Variants in FCAR observed in about 807,000 individuals in gnomAD.
The protein encoded by FCAR is immunoglobulin alpha Fc receptor.
FCAR carries 21 observed loss-of-function variants against 27.1 expected under a neutral mutation model. The ratio of observed to expected loss-of-function variants is 0.77; its 90% CI spans 0.55 to 1.11. The LOEUF (loss-of-function observed/expected upper bound fraction) is 1.11, where lower values mean the gene tolerates loss of function less well. Ranked by LOEUF, FCAR falls within the 50% of genes most tolerant of loss-of-function variation. FCAR has a pLI of 0.00. For missense variants in FCAR, 404 were observed against 358.4 expected (o/e 1.13, Z -1.03); for synonymous variants, 134 against 135.8 (o/e 0.99, Z 0.09).
At chr19:54,882,196 G>A (rs1019237882) in intron 2 of FCAR, among the ~76,000 whole-genome samples, 1 of 152,164 alleles carries the variant, frequency 6.6e-6, no homozygotes, top group African/African-American at 2.4e-5. Context: ...GATGGCTGTG[G>A]CATAATGACC....
At chr19:54,881,540 C>T (rs1282364567) in intron 2 of FCAR, among the ~76,000 whole-genome samples, 1 of 152,044 alleles carries the variant, frequency 6.6e-6, no homozygotes, top group Non-Finnish European at 1.5e-5. Context: ...GGAGAGGAGA[C>T]TGAGCTCCTC....
At position 54,885,438 on chromosome 19, in the gene FCAR, G is replaced by A. The variant is rs750370550; in HGVS notation, c.274G>A (p.Ala92Thr). Residue 92 changes from alanine (A) to threonine (T), a missense_variant, in exon 3 of 5, where the codon GCA (alanine) becomes ACA (threonine). Physicochemically the swap from Ala to Thr is moderately conservative, Grantham distance 58. Transcript: ENST00000355524. ...TGAGTTCGTCATTGACCACATGGAC[G>A]CAAACAAGGCAGGGCGCTATCAGTG... ...DPEFVIDHMD[A>T]NKAGRYQCQY... 17 of 1,613,634 alleles carry A rather than the reference G, an allele frequency of 1.1e-5. 1 individual carries two copies. Among genetic ancestry groups the A allele is most frequent in the East Asian group, 4.5e-5 (2 of 44,888 alleles).
intron 3 of FCAR, among the ~76,000 whole-genome samples, chr19:54,887,000 C>T (rs1293482289): frequency 3.9e-5 from 6 of 151,936 alleles, no homozygotes; most frequent in Non-Finnish European, 1.5e-5. Context: ...GGCCAGACAC[C>T]GTGGCTCGTG....
chr19:54,887,976 C>T (rs1017538349), intron 3 of FCAR, 31 bp from the exon 4 acceptor site: 4 of 1,539,296 alleles, frequency 2.6e-6, no homozygotes, highest in South Asian at 1.2e-5. Flanking sequence ...GAGAAAAGGT[C>T]TTTCTAATAG....
intron 2 of FCAR, among the ~76,000 whole-genome samples, chr19:54,882,742 G>A (rs2066495688): frequency 6.6e-6 from 1 of 151,970 alleles, no homozygotes; most frequent in Admixed American, 6.6e-5. Context: ...CCCGGCCTTG[G>A]TGTTGATTCT....
In FCAR at chr19:54,889,308, G is replaced by A. The variant is rs868563390; in HGVS notation, c.650-341G>A. Among the ~76,000 whole-genome samples, 62 of 148,534 alleles carry A rather than the reference G, an allele frequency of 4.2e-4. 1 individual carries two copies. Among genetic ancestry groups the A allele is most frequent in the Non-Finnish European group, 7.1e-4 (48 of 67,424 alleles). ...GAATCACTTGACCAGGGAGGCGGAGGTTGCAGTGAGCCGAGATCACGCCAC... is the reference window on the plus strand; with the variant it reads ...GAATCACTTGACCAGGGAGGCGGAGATTGCAGTGAGCCGAGATCACGCCAC... On this transcript the variant is annotated intron_variant, in intron 4 of 4. Coordinates refer to ENST00000355524, the MANE Select transcript of FCAR (RefSeq NM_002000.4).
rs759479854 is a variant in FCAR at position 54,875,319 on chromosome 19, C to T, written c.35-11C>T. The T allele has an allele frequency of 1.9e-6, 3 of 1,612,970 alleles. No individual in the cohort carries two copies. The highest frequency in any genetic ancestry group is 2.2e-5 in the South Asian group (2 of 90,902). ...TGGAAGCTTGATTTTTCATAAATCT[C>T]TCTCTTCCAGTGCTCTGTCTGGGCC... is the stretch of plus-strand genomic sequence containing the variant. On this transcript the variant is annotated splice_polypyrimidine_tract_variant and intron_variant, in intron 1 of 4. Coordinates refer to ENST00000355524, the MANE Select transcript of FCAR (RefSeq NM_002000.4).
chr19:54,883,071 A>G (rs2066512625), intron 2 of FCAR, among the ~76,000 whole-genome samples: 1 of 151,934 alleles, frequency 6.6e-6, no homozygotes, highest in Non-Finnish European at 1.5e-5. Flanking sequence ...CAGTGGCACA[A>G]TCTCGGCTCA....
intron 4 of FCAR, among the ~76,000 whole-genome samples, 157 bp from the exon 5 acceptor site, chr19:54,889,492 T>C (rs2066947898): frequency 6.6e-6 from 1 of 151,394 alleles, no homozygotes; most frequent in South Asian, 2.1e-4. Flanking sequence ...GACTGATCAG[T>C]GTGGTGCTGG....
intron 2 of FCAR, among the ~76,000 whole-genome samples, chr19:54,877,975 G>A (rs1269816598): frequency 1.3e-5 from 2 of 150,838 alleles, no homozygotes; most frequent in East Asian, 1.9e-4. Context: ...GAGTGCAGTG[G>A]CGCAATCTAG....
intron 2 of FCAR, 140 bp from the exon 3 acceptor site, chr19:54,885,095 C>A: frequency 1.4e-6 from 1 of 715,680 alleles, no homozygotes; most frequent in South Asian, 2.0e-5. Flanking sequence ...CGTGAGCTAC[C>A]GCACCCGGCC....
In FCAR at chr19:54,889,930, A is replaced by C. The variant is rs935331665; in HGVS notation, c.*67A>C. 8.7e-7 allele frequency: 1 copy of C among 1,154,938 alleles called. No individual in the cohort carries two copies. The highest frequency in any genetic ancestry group is 1.3e-6 in the Non-Finnish European group (1 of 796,508). 71.5% of individuals were successfully genotyped at this position (1,154,938 alleles called of 1,614,324 possible). ...TCCGACAAAGCTACTTGAAGGACACAAGAGAGAAAAGCTCACTAAGAAGCT... is the reference window on the plus strand; with the variant it reads ...TCCGACAAAGCTACTTGAAGGACACCAGAGAGAAAAGCTCACTAAGAAGCT... On this transcript the variant is annotated 3_prime_UTR_variant, in exon 5 of 5. Transcript: ENST00000355524.
chr19:54,888,039 C>T lies in FCAR; in HGVS notation c.394C>T (p.Arg132Trp), dbSNP rs201648976. The part of the protein sequence containing the change: ...LYGKPFLSAD[R>W]GLVLMPGENI... ...TGGCAAACCCTTCCTCTCTGCAGATCGGGGTCTGGTGTTGATGCCAGGAGA... is the reference window on the plus strand; with the variant it reads ...TGGCAAACCCTTCCTCTCTGCAGATTGGGGTCTGGTGTTGATGCCAGGAGA... Residue 132 changes from arginine to tryptophan, a missense_variant, in exon 4 of 5, where the codon CGG (arginine) becomes TGG (tryptophan). Coordinates refer to ENST00000355524, the MANE Select transcript of FCAR (RefSeq NM_002000.4). 8.7e-6 allele frequency: 14 copies of T among 1,613,926 alleles called. No individual in the cohort carries two copies. The highest frequency in any genetic ancestry group is 1.2e-5 in the Non-Finnish European group (14 of 1,179,804).
intron 2 of FCAR, among the ~76,000 whole-genome samples, chr19:54,877,452 T>C (rs1219905730): frequency 6.6e-6 from 1 of 152,160 alleles, no homozygotes; most frequent in Non-Finnish European, 1.5e-5. Flanking sequence ...TACCCTTTGT[T>C]GTTTCTAATT....
intron 2 of FCAR, among the ~76,000 whole-genome samples, chr19:54,884,832 A>T (rs774057222): frequency 6.6e-6 from 1 of 151,960 alleles, no homozygotes; most frequent in African/African-American, 2.4e-5. Flanking sequence ...GTTGAGACGA[A>T]GTCTCACTCT....
At chr19:54,875,508 C>T in intron 2 of FCAR, 143 bp downstream of exon 2, 1 of 738,246 alleles carries the variant, frequency 1.4e-6, no homozygotes, top group Non-Finnish European at 2.3e-6. Context: ...TGCATAATTT[C>T]TATCTCACTT....
chr19:54,886,423 T>G (rs1406593761), intron 3 of FCAR, among the ~76,000 whole-genome samples: 1 of 142,526 alleles, frequency 7.0e-6, no homozygotes, highest in Non-Finnish European at 1.5e-5. Context: ...TTCTCCTGCC[T>G]CAGCCTCCCG....
chr19:54,879,118 C>G (rs1245228807), intron 2 of FCAR, among the ~76,000 whole-genome samples: 2 of 151,976 alleles, frequency 1.3e-5, no homozygotes, highest in Admixed American at 1.3e-4. Flanking sequence ...CTCAAATGAT[C>G]CACCCACCTC....
chr19:54,876,695 G>GCA (rs879886816), intron 2 of FCAR, among the ~76,000 whole-genome samples: 5,041 of 152,072 alleles, frequency 0.033, 94 homozygotes, highest in Middle Eastern at 0.071. Flanking sequence ...CAAGGCTTGT[G>GCA]GATCATGAGG....
Sources: gnomAD v4.1 joint callset for allele counts (sites outside exome capture counted in the v4.1 genomes callset) on GRCh38, gnomAD v4.1.1 for gene constraint, MANE v1.5 for transcripts, NCBI Gene and HGNC (gene_info 2026-07-23, HGNC 2026-07-21) for gene names.